CDK14: variants seen among roughly 807,000 people sequenced by gnomAD.
CDK14 encodes the protein cyclin dependent kinase 14, also known as cyclin-dependent kinase 14.
A neutral mutation model predicts 60.7 loss-of-function variants in CDK14; 34 were observed. The observed-to-expected ratio is 0.56, with a 90% CI of 0.43 to 0.75. The LOEUF (loss-of-function observed/expected upper bound fraction) is 0.75. Among genes scored for constraint, CDK14 ranks in the 30% least tolerant of loss-of-function variants. CDK14 has a pLI of 0.00. For synonymous variants in CDK14, 197 were observed against 203.7 expected (o/e 0.97, Z 0.28); for missense variants, 482 against 564.1 (o/e 0.85, Z 1.47).
chr7:90,654,059 G>A (rs1435849318), intron 2 of CDK14, among the ~76,000 whole-genome samples: 1 of 152,132 alleles, frequency 6.6e-6, no homozygotes, highest in Non-Finnish European at 1.5e-5. Flanking sequence ...TCTTAATTCA[G>A]TCTGTCATTG....
rs538860519 is a variant in CDK14, at chr7:91,047,468, A to G, written c.1105+1508A>G. Among the ~76,000 whole-genome samples the G allele has an allele frequency of 4.6e-4, 70 of 152,328 alleles. 1 individual carries two copies. In the South Asian group the frequency reaches 0.014, roughly 31 times the overall value. On this transcript the variant is annotated intron_variant, in intron 11 of 14. Coordinates refer to ENST00000380050, the MANE Select transcript of CDK14 (RefSeq NM_001287135.2). Reference sequence around the variant, plus strand: ...TACCCATTAAGCTAACAGATTGTGAACTTCATGACACCAGGGACTGTTCAT... The same window carrying G: ...TACCCATTAAGCTAACAGATTGTGAGCTTCATGACACCAGGGACTGTTCAT...
At chr7:90,757,913 A>G (rs1804150517) in intron 4 of CDK14, among the ~76,000 whole-genome samples, 1 of 152,022 alleles carries the variant, frequency 6.6e-6, no homozygotes, top group Admixed American at 6.6e-5. Flanking sequence ...GGTGTGTGTA[A>G]TTCTTGATTG....
chr7:91,027,553 G>A (rs1796607873), intron 10 of CDK14, among the ~76,000 whole-genome samples: 1 of 152,082 alleles, frequency 6.6e-6, no homozygotes, highest in African/African-American at 2.4e-5. Flanking sequence ...TGACCCACAA[G>A]CTTTTAGGAA....
At chr7:91,072,366 G>A (rs1798174385) in intron 11 of CDK14, among the ~76,000 whole-genome samples, 1 of 152,138 alleles carries the variant, frequency 6.6e-6, no homozygotes, top group African/African-American at 2.4e-5. Flanking sequence ...CCAGGTGCAG[G>A]AGTGAAACAG....
chr7:90,960,523 A>T (rs1794571303), intron 9 of CDK14, among the ~76,000 whole-genome samples: 1 of 152,214 alleles, frequency 6.6e-6, no homozygotes, highest in South Asian at 2.1e-4. Context: ...TTAACATTGT[A>T]GCAGCTGGGT....
intron 6 of CDK14, among the ~76,000 whole-genome samples, chr7:90,866,383 A>C (rs936739350): frequency 1.3e-4 from 20 of 152,150 alleles, no homozygotes; most frequent in South Asian, 4.1e-4. Context: ...GATATTTTCT[A>C]AACAATGTTG....
intron 2 of CDK14, among the ~76,000 whole-genome samples, chr7:90,718,174 G>C (rs1411858943): frequency 6.6e-6 from 1 of 151,958 alleles, no homozygotes; most frequent in Admixed American, 6.6e-5. Context: ...TGGAAATGCT[G>C]CACCCAAATA....
chr7:90,987,877 T>C (rs1444237569), intron 10 of CDK14, among the ~76,000 whole-genome samples: 2 of 152,146 alleles, frequency 1.3e-5, no homozygotes, highest in African/African-American at 4.8e-5. Flanking sequence ...TGGTAAAGCA[T>C]TGCCAAGGAG....
At chr7:90,949,663 A>G (rs185805282) in intron 8 of CDK14, among the ~76,000 whole-genome samples, 5 of 152,336 alleles carry the variant, frequency 3.3e-5, no homozygotes, top group South Asian at 2.1e-4. Context: ...TTTATGTTCA[A>G]AGAATACCCT....
At chr7:90,782,401 C>T (rs549788854) in intron 4 of CDK14, among the ~76,000 whole-genome samples, 2 of 151,972 alleles carry the variant, frequency 1.3e-5, no homozygotes, top group Non-Finnish European at 2.9e-5. Flanking sequence ...AATTGAATAC[C>T]CTTTATTTCC....
intron 11 of CDK14, among the ~76,000 whole-genome samples, chr7:91,068,568 A>T (rs2116164548): frequency 6.6e-6 from 1 of 152,176 alleles, no homozygotes; most frequent in South Asian, 2.1e-4. Context: ...TGCTCTATGA[A>T]TCATCGACTC....
At chr7:91,149,976 A>T (rs917943863) in intron 14 of CDK14, among the ~76,000 whole-genome samples, 2 of 152,226 alleles carry the variant, frequency 1.3e-5, no homozygotes, top group Non-Finnish European at 2.9e-5. Context: ...GAGCCCTGGT[A>T]GCAGGAGATG....
At chr7:90,661,019 T>C (rs574562201) in intron 2 of CDK14, among the ~76,000 whole-genome samples, 2 of 152,328 alleles carry the variant, frequency 1.3e-5, no homozygotes, top group South Asian at 4.1e-4. Flanking sequence ...GCAGCCACTG[T>C]GTGAATTGCC....
intron 10 of CDK14, among the ~76,000 whole-genome samples, chr7:91,010,095 G>A (rs949550425): frequency 7.2e-5 from 11 of 151,932 alleles, no homozygotes; most frequent in African/African-American, 2.4e-4. Flanking sequence ...AAGTCAGTTG[G>A]CCATGTGTGT....
chr7:90,645,893 A>G (rs1425440967), intron 2 of CDK14, among the ~76,000 whole-genome samples: 4 of 152,202 alleles, frequency 2.6e-5, no homozygotes, highest in Non-Finnish European at 5.9e-5. Context: ...ATTAACAGCC[A>G]CTTAGTAGAT....
chr7:90,627,082 A>G (rs979183096), intron 2 of CDK14, among the ~76,000 whole-genome samples: 5 of 152,218 alleles, frequency 3.3e-5, no homozygotes, highest in Non-Finnish European at 5.9e-5. Flanking sequence ...TAAAGTTATT[A>G]TTGAGATTTT....
intron 1 of CDK14, among the ~76,000 whole-genome samples, chr7:90,602,221 G>A (rs572618244): frequency 7.2e-5 from 11 of 152,278 alleles, no homozygotes; most frequent in African/African-American, 2.4e-4. Flanking sequence ...AGTTTGTGCC[G>A]TGAATTGTAA....
chr7:90,822,479 A>G (rs903647732), intron 5 of CDK14, among the ~76,000 whole-genome samples: 1 of 151,896 alleles, frequency 6.6e-6, no homozygotes, highest in African/African-American at 2.4e-5. Context: ...GCAGACTTGG[A>G]GTCTCTTCTC....
At chr7:90,797,123 T>G (rs1788466078) in intron 5 of CDK14, among the ~76,000 whole-genome samples, 1 of 151,820 alleles carries the variant, frequency 6.6e-6, no homozygotes, top group African/African-American at 2.4e-5. Flanking sequence ...CTCAATTAGT[T>G]TGCTAGGGCT....
Sources: gnomAD v4.1 joint callset for allele counts (sites outside exome capture counted in the v4.1 genomes callset) on GRCh38, gnomAD v4.1.1 for gene constraint, MANE v1.5 for transcripts, NCBI Gene and HGNC (gene_info 2026-07-23, HGNC 2026-07-21) for gene names.